The following ZYG11B variants were observed in gnomAD, a reference collection of about 807,000 sequenced individuals.
The protein encoded by ZYG11B is zyg-11 family member B, cell cycle regulator.
In ZYG11B, 36 loss-of-function variants were observed where a neutral mutation model predicts 82.4. The observed-to-expected ratio is 0.44, with a 90% CI of 0.33 to 0.58. ZYG11B has a LOEUF of 0.58. Among genes scored for constraint, ZYG11B ranks in the 20% least tolerant of loss-of-function variants. The pLI, the probability that ZYG11B is intolerant of heterozygous loss-of-function variation, is 0.02. For synonymous variants in ZYG11B, 303 were observed against 312.8 expected (o/e 0.97, Z 0.33); for missense variants, 552 against 895.6 (o/e 0.62, Z 4.90).
In ZYG11B at chr1:52,813,846, C is replaced by CT; in HGVS notation, c.1894-10dup. ...AATATTGTAATCCTTTCTTGTGTGT[C>CT]TTTTGTCTTCCAGCATTCAGCTATT... On this transcript the variant is annotated splice_polypyrimidine_tract_variant and intron_variant, in intron 11 of 13. Transcript: ENST00000294353. 1 of 1,614,010 alleles carries CT rather than the reference C, an allele frequency of 6.2e-7. No individual in the cohort carries two copies. The highest frequency in any genetic ancestry group is 8.5e-7 in the Non-Finnish European group (1 of 1,179,952).
chr1:52,777,026 A>G (rs1294785262), intron 3 of ZYG11B, among the ~76,000 whole-genome samples: 3 of 152,154 alleles, frequency 2.0e-5, no homozygotes, highest in Admixed American at 6.6e-5. Context: ...CCTGGCCAAC[A>G]TGACGAAATC....
rs555644548 is a variant in ZYG11B at position 52,783,995 on chromosome 1, T to TAGAGAGAGAGAG, written c.1093-881_1093-880insGAGAGAGAGAGA. 4.0e-4 allele frequency among the ~76,000 whole-genome samples: 32 copies of TAGAGAGAGAGAG among 79,930 alleles called. No individual in the cohort carries two copies. The East Asian group carries it at 0.02, about 50-fold the overall frequency. 52.4% of individuals were successfully genotyped at this position (79,930 alleles called of 152,430 possible). ...ATACACACACACACACATATATATA[T>TAGAGAGAGAGAG]ATAGAGAGAGAGAGAGATGGAGTTT... On this transcript the variant is annotated intron_variant, in intron 4 of 13. Transcript: ENST00000294353.
chr1:52,813,692 A>T lies in ZYG11B; in HGVS notation c.1852A>T (p.Thr618Ser), dbSNP rs758786977. Residue 618 changes from threonine (T) to serine (S), a missense_variant, in exon 11 of 14, where the codon ACA becomes TCA. Around this residue, in one of 3 missense-constraint regions of ZYG11B, gnomAD observed 127 missense variants for 163.4 expected, o/e 0.78. Transcript: ENST00000294353. Reference sequence around the variant, plus strand: ...AATATCCAGAGGTGAACAAGCTTGGACATTGAGTCGTAGCCAGAGGAATTC... The same window carrying T: ...AATATCCAGAGGTGAACAAGCTTGGTCATTGAGTCGTAGCCAGAGGAATTC... The part of the protein sequence containing the change: ...HLISRGEQAW[T>S]LSRSQRNSLL... 1.9e-6 allele frequency: 3 copies of T among 1,614,142 alleles called. No homozygotes were observed.
chr1:52,740,253 C>G (rs1644412652), intron 1 of ZYG11B, among the ~76,000 whole-genome samples: 1 of 152,202 alleles, frequency 6.6e-6, no homozygotes, highest in South Asian at 2.1e-4. Context: ...ATAGCTTTAT[C>G]ACATGACGTT....
Position 52,759,447 on chromosome 1 carries a change from A to G in ZYG11B, c.196+2824A>G, listed in dbSNP as rs983272970. On this transcript the variant is annotated intron_variant, in intron 2 of 13. Coordinates refer to ENST00000294353, the MANE Select transcript of ZYG11B (RefSeq NM_024646.3). ...AGATAATAGGAGTGGGTTTTAAGCAAGTCTAACTAAATATTTGTCCTCAGA... is the reference window on the plus strand; with the variant it reads ...AGATAATAGGAGTGGGTTTTAAGCAGGTCTAACTAAATATTTGTCCTCAGA... Among the ~76,000 whole-genome samples, 22 of 152,334 alleles carry G rather than the reference A, an allele frequency of 1.4e-4. No individual in the cohort carries two copies. The South Asian group carries it at 1.7e-3, about 11-fold the overall frequency.
At chr1:52,743,754 T>G (rs1222293366) in intron 1 of ZYG11B, among the ~76,000 whole-genome samples, 1 of 152,110 alleles carries the variant, frequency 6.6e-6, no homozygotes, top group Non-Finnish European at 1.5e-5. Context: ...TTAGTGTAGC[T>G]TAAGTATTTA....
intron 8 of ZYG11B, 49 bp downstream of exon 8, chr1:52,796,833 T>A: frequency 8.3e-7 from 1 of 1,201,652 alleles, no homozygotes; most frequent in Non-Finnish European, 1.1e-6. Context: ...TCATGTTTAT[T>A]GTTTTCAGGC....
At chr1:52,760,613 A>G (rs920565312) in intron 2 of ZYG11B, among the ~76,000 whole-genome samples, 2 of 151,696 alleles carry the variant, frequency 1.3e-5, no homozygotes, top group Non-Finnish European at 2.9e-5. Flanking sequence ...GTGTTAAAAA[A>G]TTTTCTTTTT....
In ZYG11B at chr1:52,821,449, T is replaced by C; in HGVS notation, c.2055T>C (p.Tyr685=). The change falls in exon 14 of 14, where the codon TAT becomes TAC. Residue 685 remains tyrosine (Y), a synonymous_variant. Coordinates refer to ENST00000294353, the MANE Select transcript of ZYG11B (RefSeq NM_024646.3). ...QHVCSKNPSR[Y]CSMLIEEGGL... ...TTTTTTCTTTTTCAGCTTCAAGGTA[T>C]TGCAGCATGCTGATTGAAGAAGGAG... The C allele has an allele frequency of 6.3e-7, 1 of 1,578,512 alleles. No individual in the cohort carries two copies. Among genetic ancestry groups the C allele is most frequent in the East Asian group, 2.3e-5 (1 of 44,188 alleles).
chr1:52,816,463 G>C, intron 12 of ZYG11B, 69 bp from the exon 13 acceptor site: 1 of 1,064,770 alleles, frequency 9.4e-7, no homozygotes, highest in Non-Finnish European at 1.4e-6. Context: ...AAAAGTTTAG[G>C]AATCACTGCT....
At chr1:52,739,064 C>T (rs1644401618) in intron 1 of ZYG11B, among the ~76,000 whole-genome samples, 1 of 141,934 alleles carries the variant, frequency 7.0e-6, no homozygotes, top group Non-Finnish European at 1.5e-5. Context: ...TCACTGCCAC[C>T]TCCACCTCCG....
Position 52,802,702 on chromosome 1 carries a change from A to G in ZYG11B, c.1695+563A>G, listed in dbSNP as rs921630280. ...AATGAACAAAAAAAGAAAGAGAGAG[A>G]GAGAGAGAGAAAGAAAGAAAGTTGC... On this transcript the variant is annotated intron_variant, in intron 10 of 13. Transcript: ENST00000294353. 6.6e-5 allele frequency among the ~76,000 whole-genome samples: 10 copies of G among 152,094 alleles called. No individual in the cohort carries two copies. The East Asian group carries it at 1.9e-3, about 29-fold the overall frequency.
chr1:52,781,875 C>T (rs1644859508), intron 4 of ZYG11B, among the ~76,000 whole-genome samples: 1 of 151,878 alleles, frequency 6.6e-6, no homozygotes, highest in Admixed American at 6.6e-5. Flanking sequence ...ATCACCAACA[C>T]CTGTCACTCC....
At chr1:52,787,722 G>T (rs1433635488) in intron 5 of ZYG11B, among the ~76,000 whole-genome samples, 1 of 151,582 alleles carries the variant, frequency 6.6e-6, no homozygotes, top group Non-Finnish European at 1.5e-5. Flanking sequence ...GAGAAGCACT[G>T]TCTTATGCCT....
intron 4 of ZYG11B, among the ~76,000 whole-genome samples, chr1:52,781,534 C>T (rs1180345142): frequency 6.6e-6 from 1 of 152,068 alleles, no homozygotes; most frequent in Non-Finnish European, 1.5e-5. Flanking sequence ...GTAAACCCCA[C>T]TCCCAAAAAT....
chr1:52,761,600 A>G (rs1213292377), intron 2 of ZYG11B, among the ~76,000 whole-genome samples: 1 of 152,350 alleles, frequency 6.6e-6, no homozygotes, highest in Admixed American at 6.5e-5. Context: ...TTGGACACAT[A>G]GATTGATTCT....
rs186443742 is a variant in ZYG11B, at chr1:52,816,640, A to G, written c.2044+11A>G. 5.9e-5 allele frequency: 93 copies of G among 1,570,302 alleles called. No homozygotes were observed. Among genetic ancestry groups the G allele is most frequent in the Middle Eastern group, 1.7e-4 (1 of 5,986 alleles). ...TCTGCAGCAAGAATCGTATGTACCA[A>G]AAAAAAAGAACTGTGTTTTTTTTCT... On this transcript the variant is annotated intron_variant, in intron 13 of 13. Transcript: ENST00000294353.
intron 10 of ZYG11B, among the ~76,000 whole-genome samples, chr1:52,807,994 A>G (rs780309871): frequency 6.6e-6 from 1 of 152,188 alleles, no homozygotes; most frequent in African/African-American, 2.4e-5. Context: ...CTTCTTTCTA[A>G]TGAAAAATCT....
chr1:52,778,790 T>C (rs1031362225), intron 3 of ZYG11B, among the ~76,000 whole-genome samples: 1 of 152,186 alleles, frequency 6.6e-6, no homozygotes, highest in African/African-American at 2.4e-5. Flanking sequence ...TAAAATAATA[T>C]ACTTTTATGT....
Sources: allele counts gnomAD v4.1 joint callset (sites outside exome capture counted in the v4.1 genomes callset), GRCh38; gene constraint gnomAD v4.1.1; regional missense constraint gnomAD v4.1.1; transcripts MANE v1.5; gene names NCBI Gene and HGNC (gene_info 2026-07-23, HGNC 2026-07-21).